S100A8: variants seen among roughly 807,000 people sequenced by gnomAD.
S100A8 encodes protein S100-A8.
In S100A8, 1 loss-of-function variant was observed where a neutral mutation model predicts 4.2. The ratio of observed to expected loss-of-function variants is 0.24; its 90% CI spans 0.08 to 1.12. The LOEUF is 1.12. Ranked by LOEUF, S100A8 falls within the 50% of genes most tolerant of loss-of-function variation. S100A8 has a pLI of 0.53. For synonymous variants in S100A8, 41 were observed against 44.7 expected, an observed-to-expected ratio of 0.92 and a Z score of 0.33; for missense variants, 96 against 111.8, an observed-to-expected ratio of 0.86 and a Z score of 0.64.
At chr1:153,398,867 G>C in the S100A8 span, among the ~76,000 whole-genome samples, 1 of 152,246 alleles carries the variant, frequency 6.6e-6, no homozygotes, top group Admixed American at 6.5e-5. Context: ...TCCACTTGGA[G>C]CTTCGTTCAA....
chr1:153,408,809 T>G, the S100A8 span, among the ~76,000 whole-genome samples: 3 of 152,004 alleles, frequency 2.0e-5, no homozygotes, highest in African/African-American at 7.2e-5. Flanking sequence ...CAGAAGAGAG[T>G]CGGGGCCAAT....
the S100A8 span, among the ~76,000 whole-genome samples, chr1:153,407,385 G>T: frequency 6.6e-6 from 1 of 152,230 alleles, no homozygotes; most frequent in Non-Finnish European, 1.5e-5. Context: ...ACAGCAGTGT[G>T]ATATCAAACT....
upstream of S100A8, among the ~76,000 whole-genome samples, chr1:153,394,651 T>C (rs1159700872): frequency 2.6e-5 from 4 of 152,050 alleles, no homozygotes; most frequent in African/African-American, 9.7e-5. Flanking sequence ...AGGGCCCAGC[T>C]AGGTCCTGAA....
chr1:153,390,693 C>A, intron 1 of S100A8, 136 bp from the exon 2 acceptor site: 1 of 1,102,212 alleles, frequency 9.1e-7, no homozygotes, highest in Admixed American at 2.3e-5. Context: ...CAGCAGATGG[C>A]TATGGCTCTG....
At chr1:153,405,033 G>A in the S100A8 span, among the ~76,000 whole-genome samples, 1 of 152,076 alleles carries the variant, frequency 6.6e-6, no homozygotes, top group African/African-American at 2.4e-5. Context: ...AGCCCTTACA[G>A]TGTAAGTCAG....
the S100A8 span, among the ~76,000 whole-genome samples, chr1:153,397,808 G>A: frequency 5.9e-5 from 9 of 152,252 alleles, no homozygotes; most frequent in South Asian, 2.1e-4. Flanking sequence ...CTTCCTGCCC[G>A]GGACAGGCTC....
the S100A8 span, chr1:153,422,489 A>G: frequency 1.0e-6 from 1 of 983,356 alleles, no homozygotes; most frequent in East Asian, 1.1e-4. Context: ...AAGAGAAAGA[A>G]TACTTGACAG....
the S100A8 span, chr1:153,419,282 G>A: frequency 1.8e-4 from 283 of 1,613,932 alleles, no homozygotes; most frequent in South Asian, 1.1e-3. Context: ...GCCATGGAGC[G>A]GCGCCCTGTT....
the S100A8 span, chr1:153,420,896 T>C: frequency 1.3e-5 from 2 of 152,348 alleles, no homozygotes; most frequent in Non-Finnish European, 2.9e-5. Flanking sequence ...GTTGCCCACT[T>C]TCCTTGGGCC....
upstream of S100A8, among the ~76,000 whole-genome samples, chr1:153,391,532 G>C (rs886928688): frequency 6.6e-6 from 1 of 152,218 alleles, no homozygotes; most frequent in South Asian, 2.1e-4. Context: ...GACCGCAAAA[G>C]GGTTGAGAAC....
chr1:153,408,582 A>G, the S100A8 span, among the ~76,000 whole-genome samples: 1 of 152,356 alleles, frequency 6.6e-6, no homozygotes, highest in South Asian at 2.1e-4. Context: ...AACTTCCCCA[A>G]TCTAGCAAGG....
chr1:153,407,383 G>A, the S100A8 span, among the ~76,000 whole-genome samples: 6 of 152,210 alleles, frequency 3.9e-5, no homozygotes, highest in African/African-American at 1.4e-4. Context: ...GCACAGCAGT[G>A]TGATATCAAA....
chr1:153,409,372 C>T, the S100A8 span, among the ~76,000 whole-genome samples: 9 of 151,916 alleles, frequency 5.9e-5, no homozygotes, highest in South Asian at 2.1e-4. Context: ...AGAACAGACG[C>T]GACAAAGAAG....
upstream of S100A8, among the ~76,000 whole-genome samples, chr1:153,394,887 ACT>A (rs1410412181): frequency 6.6e-6 from 1 of 151,718 alleles, no homozygotes; most frequent in Non-Finnish European, 1.5e-5. Context: ...ACCCCCCAAC[ACT>A]CTTTCAAAAT....
At chr1:153,410,206 A>G in the S100A8 span, among the ~76,000 whole-genome samples, 7 of 152,192 alleles carry the variant, frequency 4.6e-5, no homozygotes, top group Non-Finnish European at 1.0e-4. Context: ...TTTTTTGAAA[A>G]GATTAACAAA....
the S100A8 span, among the ~76,000 whole-genome samples, chr1:153,407,100 T>C: frequency 2.6e-5 from 4 of 152,142 alleles, no homozygotes; most frequent in African/African-American, 9.7e-5. Flanking sequence ...TTCATCTCAC[T>C]GGGGCTTGTC....
chr1:153,402,619 G>A, the S100A8 span, among the ~76,000 whole-genome samples: 1 of 152,292 alleles, frequency 6.6e-6, no homozygotes, highest in Non-Finnish European at 1.5e-5. Context: ...AGGATGGGAA[G>A]CCACTAAAAG....
chr1:153,416,305 C>T, the S100A8 span, among the ~76,000 whole-genome samples: 23 of 152,284 alleles, frequency 1.5e-4, no homozygotes, highest in African/African-American at 5.5e-4. Context: ...CAAGATTGAG[C>T]CAGAGAAGGC....
chr1:153,399,707 C>A, the S100A8 span, among the ~76,000 whole-genome samples: 1 of 152,178 alleles, frequency 6.6e-6, no homozygotes, highest in Non-Finnish European at 1.5e-5. Context: ...GTGACACAGA[C>A]AGGTGCTCCA....
Sources: gnomAD v4.1 joint callset for allele counts (sites outside exome capture counted in the v4.1 genomes callset) on GRCh38, gnomAD v4.1.1 for gene constraint, MANE v1.5 for transcripts, NCBI Gene and HGNC (gene_info 2026-07-23, HGNC 2026-07-21) for gene names.